The following PDSS2 variants were observed in gnomAD, a reference collection of about 807,000 sequenced individuals.
PDSS2 encodes the protein all trans-polyprenyl-diphosphate synthase PDSS2.
In PDSS2, 31 loss-of-function variants were observed where a neutral mutation model predicts 44.5. That is an observed-to-expected ratio of 0.70 (90% confidence interval 0.52 to 0.94). The LOEUF is 0.94. Ranked by LOEUF, PDSS2 falls within the 40% of genes least tolerant of loss-of-function variation. The probability of loss-of-function intolerance (pLI) is 0.00; values close to 1 mark genes in which losing one functional copy is unlikely to be tolerated. For missense variants in PDSS2, 452 were observed against 482.2 expected, an observed-to-expected ratio of 0.94 and a Z score of 0.59; for synonymous variants, 157 against 180.3, an observed-to-expected ratio of 0.87 and a Z score of 1.03.
intron 2 of PDSS2, among the ~76,000 whole-genome samples, chr6:107,289,405 T>C (rs1318319706): frequency 7.1e-6 from 1 of 139,872 alleles, no homozygotes; most frequent in Non-Finnish European, 1.5e-5. Flanking sequence ...GAAAAAGAAA[T>C]GGAGGCCAGG....
At chr6:107,365,514 A>G (rs1379198954) in intron 1 of PDSS2, among the ~76,000 whole-genome samples, 1 of 152,198 alleles carries the variant, frequency 6.6e-6, no homozygotes, top group African/African-American at 2.4e-5. Flanking sequence ...ACATCAAACC[A>G]TATCAATAAT....
intron 1 of PDSS2, among the ~76,000 whole-genome samples, chr6:107,438,214 A>T (rs1381138008): frequency 1.3e-5 from 2 of 151,770 alleles, no homozygotes; most frequent in African/African-American, 2.4e-5. Context: ...TTTATTTTTT[A>T]TTTTTATTTT....
intron 1 of PDSS2, among the ~76,000 whole-genome samples, chr6:107,453,291 A>G (rs968450166): frequency 2.6e-5 from 4 of 152,092 alleles, no homozygotes; most frequent in African/African-American, 9.7e-5. Context: ...TTTTCTTCTG[A>G]AAGTTTTATA....
chr6:107,329,353 A>G (rs1383184434), intron 2 of PDSS2, among the ~76,000 whole-genome samples: 3 of 152,124 alleles, frequency 2.0e-5, no homozygotes, highest in Non-Finnish European at 4.4e-5. Context: ...CCCACAATTT[A>G]TCCAGGATAT....
chr6:107,156,371 T>C (rs1333901036), intron 7 of PDSS2, among the ~76,000 whole-genome samples: 2 of 151,994 alleles, frequency 1.3e-5, no homozygotes, highest in African/African-American at 4.8e-5. Context: ...ATTTTTTGTA[T>C]TTTTAGTACA....
intron 2 of PDSS2, among the ~76,000 whole-genome samples, chr6:107,308,300 C>T (rs945859265): frequency 6.6e-6 from 1 of 152,006 alleles, no homozygotes; most frequent in Non-Finnish European, 1.5e-5. Context: ...AACTGTTAAC[C>T]TAGATTATCT....
At position 107,358,857 on chromosome 6, in the gene PDSS2, T is replaced by C. The variant is rs557420505; in HGVS notation, c.297-24525A>G. ...TGTAATAGCCAAAAATGTCTCTAGA[T>C]ATTGGCAAATGTCCCCAGGAGGGCA... On this transcript the variant is annotated intron_variant, in intron 1 of 7. Transcript: ENST00000369037. 2.6e-5 allele frequency among the ~76,000 whole-genome samples: 4 copies of C among 152,170 alleles called. No individual in the cohort carries two copies. The South Asian group carries it at 8.3e-4, about 32-fold the overall frequency.
intron 2 of PDSS2, among the ~76,000 whole-genome samples, chr6:107,306,097 C>T (rs1222498999): frequency 1.3e-5 from 2 of 152,214 alleles, no homozygotes; most frequent in East Asian, 1.9e-4. Flanking sequence ...AAGTACAATC[C>T]TTATCTTTGA....
In PDSS2 at chr6:107,454,806, A is replaced by G. The variant is rs201379884; in HGVS notation, c.296+4184T>C. The stretch of plus-strand genomic sequence containing the variant: ...GCCTCAAAAAAATAAAAATAAAAAA[A>G]CAAAAAAAATACAGCTGCTTAATCC... On this transcript the variant is annotated intron_variant, in intron 1 of 7. Transcript: ENST00000369037. Among the ~76,000 whole-genome samples, 5 of 151,574 alleles carry G rather than the reference A, an allele frequency of 3.3e-5. No individual in the cohort carries two copies. In the East Asian group the frequency reaches 9.8e-4, roughly 30 times the overall value.
chr6:107,264,327 A>C, intron 3 of PDSS2: 1 of 1,457,066 alleles, frequency 6.9e-7, no homozygotes, highest in Non-Finnish European at 9.1e-7. Context: ...AACATAAGGA[A>C]ATACATCAGC....
At chr6:107,405,434 A>C (rs1780280551) in intron 1 of PDSS2, among the ~76,000 whole-genome samples, 2 of 152,218 alleles carry the variant, frequency 1.3e-5, no homozygotes, top group South Asian at 2.1e-4. Flanking sequence ...ACAAACAGAA[A>C]AAAAAGAGAG....
chr6:107,195,394 A>G (rs1772519464), intron 6 of PDSS2, among the ~76,000 whole-genome samples: 1 of 149,944 alleles, frequency 6.7e-6, no homozygotes, highest in African/African-American at 2.5e-5. Flanking sequence ...AGGTGAGAGG[A>G]CTGCCTGAGC....
intron 1 of PDSS2, among the ~76,000 whole-genome samples, chr6:107,391,899 AG>A (rs201506723): frequency 1.0e-5 from 1 of 98,332 alleles, no homozygotes; most frequent in Non-Finnish European, 2.9e-5. Context: ...CAAAAATAAA[AG>A]GGGGGAAAAA....
At chr6:107,343,794 A>C (rs1411652506) in intron 1 of PDSS2, among the ~76,000 whole-genome samples, 2 of 152,230 alleles carry the variant, frequency 1.3e-5, no homozygotes, top group African/African-American at 4.8e-5. Flanking sequence ...TTCAATACAC[A>C]AAGTATTCTT....
intron 2 of PDSS2, among the ~76,000 whole-genome samples, chr6:107,296,147 A>C (rs1776500577): frequency 6.6e-6 from 1 of 152,198 alleles, no homozygotes; most frequent in South Asian, 2.1e-4. Context: ...TGACACCTGA[A>C]TAACAAGTGG....
At chr6:107,361,747 C>T (rs1226061976) in intron 1 of PDSS2, among the ~76,000 whole-genome samples, 1 of 152,176 alleles carries the variant, frequency 6.6e-6, no homozygotes, top group Non-Finnish European at 1.5e-5. Context: ...CCTCAAAATG[C>T]AACTATAAAG....
chr6:107,265,981 C>T (rs1188777845), intron 3 of PDSS2, among the ~76,000 whole-genome samples: 1 of 151,764 alleles, frequency 6.6e-6, no homozygotes, highest in Non-Finnish European at 1.5e-5. Context: ...ACTTACTACA[C>T]TACTACTTCA....
intron 4 of PDSS2, among the ~76,000 whole-genome samples, chr6:107,225,476 T>C (rs1157477016): frequency 1.3e-5 from 2 of 151,888 alleles, no homozygotes; most frequent in African/African-American, 2.4e-5. Context: ...TATAACCTAA[T>C]CTTGGAAGTA....
At position 107,202,392 on chromosome 6, in the gene PDSS2, CAAACAAAACA is replaced by C. The variant is rs554174397; in HGVS notation, c.1008+8037_1008+8046del. On this transcript the variant is annotated intron_variant, in intron 6 of 7. Transcript: ENST00000369037. ...GCTGGCCATCTCTGCAAAAAAAAAA[CAAACAAAACA>C]AAACAAAACAAAACAAAACAGTGTG... 4.1e-3 allele frequency among the ~76,000 whole-genome samples: 614 copies of C among 151,122 alleles called. 3 individuals are homozygous for C. The highest frequency in any genetic ancestry group is 5.1e-3 in the Non-Finnish European group (342 of 67,714).
Sources: allele counts gnomAD v4.1 joint callset (sites outside exome capture counted in the v4.1 genomes callset), GRCh38; gene constraint gnomAD v4.1.1; transcripts MANE v1.5; gene names NCBI Gene and HGNC (gene_info 2026-07-23, HGNC 2026-07-21).